EVPLL: variants seen among roughly 807,000 people sequenced by gnomAD.
The protein encoded by EVPLL is envoplakin like, also known as envoplakin-like protein.
In EVPLL, 39 loss-of-function variants were observed where a neutral mutation model predicts 46.2. The ratio of observed to expected loss-of-function variants is 0.84; its 90% CI spans 0.65 to 1.10. The LOEUF is 1.10. Ranked by LOEUF, EVPLL falls within the 50% of genes least tolerant of loss-of-function variation. EVPLL has a pLI of 0.00. For synonymous variants in EVPLL, 156 were observed against 165.8 expected (o/e 0.94, Z 0.46); for missense variants, 385 against 412.6 (o/e 0.93, Z 0.58).
At position 18,381,485 on chromosome 17, in the gene EVPLL, G is replaced by T; in HGVS notation, c.182G>T (p.Arg61Leu). The T allele has an allele frequency of 6.2e-7, 1 of 1,613,910 alleles. No individual in the cohort carries two copies. The highest frequency in any genetic ancestry group is 8.5e-7 in the Non-Finnish European group (1 of 1,179,974). ...DLFLDVDKAR[R>L]LKHPQAEETE... ...TTCCTGGACGTGGACAAGGCCCGGCGGCTCAAGCACCCGCAGGCTGAGGAG... is the reference window on the plus strand; with the variant it reads ...TTCCTGGACGTGGACAAGGCCCGGCTGCTCAAGCACCCGCAGGCTGAGGAG... Residue 61 changes from arginine (R) to leucine (L), a missense_variant, in exon 3 of 11, where the codon CGG becomes CTG. Physicochemically the swap from Arg to Leu is moderately radical, Grantham distance 102. Coordinates refer to ENST00000399134, the MANE Select transcript of EVPLL (RefSeq NM_001145127.2). The surrounding 1 kb of genome is among the most constrained non-coding windows in gnomAD (Gnocchi z 4.2).
At position 18,388,868 on chromosome 17, in the gene EVPLL, C is replaced by T. The variant is rs1398312537; in HGVS notation, c.*52C>T. 3 of 149,816 alleles carry T rather than the reference C, an allele frequency of 2.0e-5. No individual in the cohort carries two copies. Among genetic ancestry groups the T allele is most frequent in the African/African-American group, 7.4e-5 (3 of 40,496 alleles). The allele number at this position is 149,816 out of a possible 1,614,324, so 9.3% of individuals were successfully genotyped here. On this transcript the variant is annotated 3_prime_UTR_variant, in exon 11 of 11. Transcript: ENST00000399134. ...TTCTCCTTTTTCAGCTCTTGCCGCACGTGCAGAGAGAGAGGAACTTCCAGT... is the reference window on the plus strand; with the variant it reads ...TTCTCCTTTTTCAGCTCTTGCCGCATGTGCAGAGAGAGAGGAACTTCCAGT...
In EVPLL at chr17:18,381,718, G is replaced by A; in HGVS notation, c.334G>A (p.Gly112Arg). 6.2e-7 allele frequency: 1 copy of A among 1,614,174 alleles called. No individual in the cohort carries two copies. Among genetic ancestry groups the A allele is most frequent in the East Asian group, 2.2e-5 (1 of 44,876 alleles). ...CCAAGGTCGACTGGGCACACGTGCT[G>A]GAGCAGAAACAGGTCAGGAGCTCAA... ...GIQGRLGTRA[G>R]AETEAGLRRP... Residue 112 changes from glycine to arginine, a missense_variant, in exon 4 of 11, where the codon GGA becomes AGA. Gly to Arg is a moderately radical substitution (Grantham distance 125). Transcript: ENST00000399134. This position sits in a 1 kb window ranked among gnomAD's most constrained non-coding sequence, Gnocchi z 4.2.
chr17:18,386,919 G>C (rs1443722358), intron 9 of EVPLL, among the ~76,000 whole-genome samples: 9 of 148,736 alleles, frequency 6.1e-5, no homozygotes, highest in Admixed American at 1.3e-4. Context: ...TTTTGAGACA[G>C]AGTCTTGCTC....
At chr17:18,387,362 T>C (rs1987801672) in intron 9 of EVPLL, among the ~76,000 whole-genome samples, 1 of 151,412 alleles carries the variant, frequency 6.6e-6, no homozygotes, top group Non-Finnish European at 1.5e-5. Flanking sequence ...ACCGCTTTAA[T>C]CTGAGCTCCC....
In EVPLL at chr17:18,381,520, G is replaced by A; in HGVS notation, c.217G>A (p.Asp73Asn). The A allele has an allele frequency of 6.2e-7, 1 of 1,613,810 alleles. No homozygotes were observed. The highest frequency in any genetic ancestry group is 1.1e-5 in the South Asian group (1 of 91,068). The change falls in exon 3 of 11, where the codon GAC becomes AAC. Residue 73 changes from aspartate (D) to asparagine (N), a missense_variant and splice_region_variant. Coordinates refer to ENST00000399134, the MANE Select transcript of EVPLL (RefSeq NM_001145127.2). This position sits in a 1 kb window ranked among gnomAD's most constrained non-coding sequence, Gnocchi z 4.2. ...CCCGCAGGCTGAGGAGACTGAGAAG[G>A]AGTGAGTGGGGCTGCGGCAGGGCTG... ...KHPQAEETEK[D>N]IEQLHERVTQ...
At position 18,383,512 on chromosome 17, in the gene EVPLL, G is replaced by T. The variant is rs753754581; in HGVS notation, c.801G>T (p.Lys267Asn). ...GPIQAHQEAL[K>N]MEWQNFLNLC... ...CCCAGGCCCACCAGGAGGCCCTGAA[G>T]ATGGAGTGGCAGAACTTCCTGAACC... The change falls in exon 9 of 11, where the codon AAG (lysine) becomes AAT (asparagine). Residue 267 changes from lysine to asparagine, a missense_variant. By Grantham distance (94) the Lys-to-Asn change is moderately conservative (BLOSUM62 0). Coordinates refer to ENST00000399134, the MANE Select transcript of EVPLL (RefSeq NM_001145127.2). The T allele has an allele frequency of 3.2e-6, 5 of 1,584,608 alleles. No homozygotes were observed. Among genetic ancestry groups the T allele is most frequent in the Non-Finnish European group, 3.4e-6 (4 of 1,165,310 alleles).
intron 9 of EVPLL, 69 bp downstream of exon 9, chr17:18,383,656 A>T (rs1411240875): frequency 5.2e-6 from 7 of 1,356,462 alleles, no homozygotes. Flanking sequence ...ACCGGCCCAC[A>T]GGAGAGGCAC....
intron 1 of EVPLL, among the ~76,000 whole-genome samples, chr17:18,379,004 C>T (rs977089326): frequency 3.3e-5 from 5 of 152,132 alleles, no homozygotes; most frequent in African/African-American, 4.8e-5. Flanking sequence ...CACTTGAGCC[C>T]GGGAAGTCGA....
At position 18,389,231 on chromosome 17, in the gene EVPLL, CTT is replaced by C. The variant is rs1169399556; in HGVS notation, c.*418_*419del. 1 of 149,518 alleles carries C rather than the reference CTT, an allele frequency of 6.7e-6. No homozygotes were observed. The highest frequency in any genetic ancestry group is 1.9e-4 in the East Asian group (1 of 5,174). The allele number at this position is 149,518 out of a possible 1,614,324, so 9.3% of individuals were successfully genotyped here. A position where few individuals can be genotyped will look rare whatever the true frequency, so the allele number is the denominator to read the frequency against. ...CCTCTACCTTACTAAAGAGAGGCCT[CTT>C]TTATTTACCAGAGCCACAGCCCTGC... On this transcript the variant is annotated 3_prime_UTR_variant, in exon 11 of 11. Coordinates refer to ENST00000399134, the MANE Select transcript of EVPLL (RefSeq NM_001145127.2).
In EVPLL at chr17:18,389,225, A is replaced by AG. The variant is rs957790709; in HGVS notation, c.*411dup. ...TGAGCTCCTCTACCTTACTAAAGAG[A>AG]GGCCTCTTTTATTTACCAGAGCCAC... On this transcript the variant is annotated 3_prime_UTR_variant, in exon 11 of 11. Coordinates refer to ENST00000399134, the MANE Select transcript of EVPLL (RefSeq NM_001145127.2). The AG allele has an allele frequency of 1.3e-5, 2 of 149,550 alleles. No individual in the cohort carries two copies. Among genetic ancestry groups the AG allele is most frequent in the African/African-American group, 5.0e-5 (2 of 40,240 alleles). The allele number at this position is 149,550 out of a possible 1,614,324, so 9.3% of individuals were successfully genotyped here. A position where few individuals can be genotyped will look rare whatever the true frequency, so the allele number is the denominator to read the frequency against.
At chr17:18,380,653 C>T in intron 1 of EVPLL, 1 of 370,674 alleles carries the variant, frequency 2.7e-6, no homozygotes. Flanking sequence ...GACACCGAGG[C>T]CGCCTGACAC....
intron 1 of EVPLL, 131 bp downstream of exon 1, chr17:18,378,114 C>CA: frequency 2.8e-6 from 1 of 361,984 alleles, no homozygotes; most frequent in East Asian, 5.4e-5. Context: ...GTCCCGAGGA[C>CA]AAAGGGCCCA....
At chr17:18,384,464 T>C (rs1355691133) in intron 9 of EVPLL, among the ~76,000 whole-genome samples, 2 of 150,196 alleles carry the variant, frequency 1.3e-5, no homozygotes, top group Non-Finnish European at 3.0e-5. Context: ...GTGCAATACC[T>C]CATGCCTGCA....
Position 18,383,256 on chromosome 17 carries a change from C to G in EVPLL, c.673-15C>G, listed in dbSNP as rs766480729. 4 of 1,567,942 alleles carry G rather than the reference C, an allele frequency of 2.6e-6. No homozygotes were observed. The highest frequency in any genetic ancestry group is 3.4e-6 in the Non-Finnish European group (4 of 1,159,546). On this transcript the variant is annotated splice_polypyrimidine_tract_variant and intron_variant, in intron 7 of 10. Coordinates refer to ENST00000399134, the MANE Select transcript of EVPLL (RefSeq NM_001145127.2). ...CCTGGTCCTCACCGCCGCTCCCCACCCGACTCGCCCCCAGCACTTCAAGCA... is the reference window on the plus strand; with the variant it reads ...CCTGGTCCTCACCGCCGCTCCCCACGCGACTCGCCCCCAGCACTTCAAGCA...
At chr17:18,383,455 G>A (rs1178397347) in intron 8 of EVPLL, 37 bp from the exon 9 acceptor site, 3 of 1,547,472 alleles carry the variant, frequency 1.9e-6, no homozygotes, top group Non-Finnish European at 2.6e-6. Flanking sequence ...GTGCGGGGGC[G>A]GGGCGTGGTC....
At position 18,382,819 on chromosome 17, in the gene EVPLL, A is replaced by G. The variant is rs778126617; in HGVS notation, c.473-7A>G. The G allele has an allele frequency of 3.7e-6, 6 of 1,613,072 alleles. No individual in the cohort carries two copies. Among genetic ancestry groups the G allele is most frequent in the African/African-American group, 1.3e-5 (1 of 74,910 alleles). ...CACGGGCTTGTTTCTCCCCTTGGTC[A>G]AGGCAGGATGCCGCCACCATCCGGA... On this transcript the variant is annotated splice_polypyrimidine_tract_variant and splice_region_variant and intron_variant, in intron 5 of 10. Transcript: ENST00000399134.
rs771261125 is a variant in EVPLL, at chr17:18,383,586, G to A, written c.875G>A (p.Arg292Gln). 3.0e-5 allele frequency: 46 copies of A among 1,524,080 alleles called. No homozygotes were observed. In the Middle Eastern group the frequency reaches 5.1e-4, roughly 17 times the overall value. 94.4% of individuals were successfully genotyped at this position (1,524,080 alleles called of 1,614,324 possible). A position where few individuals can be genotyped will look rare whatever the true frequency, so the allele number is the denominator to read the frequency against. Residue 292 changes from arginine to glutamine, a missense_variant and splice_region_variant, in exon 9 of 11, where the codon CGG becomes CAG. Arg to Gln is a conservative substitution (Grantham distance 43). Coordinates refer to ENST00000399134, the MANE Select transcript of EVPLL (RefSeq NM_001145127.2). ...TQLQHVEDYS[R>Q]ILCPSSSPH ...CTCCAGCACGTGGAGGACTACAGCC[G>A]GGTGAGCCCTCGGGCAGCGGCAGGG...
At position 18,380,894 on chromosome 17, in the gene EVPLL, C is replaced by T; in HGVS notation, c.-36-8C>T. On this transcript the variant is annotated splice_polypyrimidine_tract_variant and splice_region_variant and intron_variant, in intron 1 of 10. Coordinates refer to ENST00000399134, the MANE Select transcript of EVPLL (RefSeq NM_001145127.2). ...CCGAGCTGCCCACTGTCCCCTCCAC[C>T]CACCAAGAATGCCACCCAGGAGCTG... 1.3e-6 allele frequency: 2 copies of T among 1,562,306 alleles called. No individual in the cohort carries two copies. Among genetic ancestry groups the T allele is most frequent in the African/African-American group, 1.4e-5 (1 of 73,474 alleles).
chr17:18,383,554 G>A lies in EVPLL; in HGVS notation c.843G>A (p.Glu281=). 6.6e-7 allele frequency: 1 copy of A among 1,526,052 alleles called. No homozygotes were observed. Among genetic ancestry groups the A allele is most frequent in the Non-Finnish European group, 8.8e-7 (1 of 1,133,252 alleles). 94.5% of individuals were successfully genotyped at this position (1,526,052 alleles called of 1,614,324 possible). The change falls in exon 9 of 11, where the codon GAG becomes GAA. Residue 281 remains glutamate, a synonymous_variant. Coordinates refer to ENST00000399134, the MANE Select transcript of EVPLL (RefSeq NM_001145127.2). ...TCCTGAACCTGTGCATCTGCCAGGA[G>A]ACCCAGCTCCAGCACGTGGAGGACT... The part of the protein sequence containing the change: ...QNFLNLCICQ[E]TQLQHVEDYS...
Sources: gnomAD v4.1 joint callset for allele counts (sites outside exome capture counted in the v4.1 genomes callset) on GRCh38, gnomAD v4.1.1 for gene constraint, Gnocchi (gnomAD v3.1) non-coding constraint, MANE v1.5 for transcripts, NCBI Gene and HGNC (gene_info 2026-07-23, HGNC 2026-07-21) for gene names.